PEX14: variants seen among roughly 807,000 people sequenced by gnomAD.
The protein encoded by PEX14 is peroxisomal biogenesis factor 14.
PEX14 carries 15 observed loss-of-function variants against 49.5 expected under a neutral mutation model. That is an observed-to-expected ratio of 0.30 (90% CI 0.20 to 0.47). PEX14 has a LOEUF of 0.47. PEX14 is among the 20% of genes least tolerant of loss of function. The probability of loss-of-function intolerance (pLI) is 1.00; values close to 1 mark genes in which losing one functional copy is unlikely to be tolerated. For synonymous variants in PEX14, 210 were observed against 212.7 expected, an observed-to-expected ratio of 0.99 and a Z score of 0.11; for missense variants, 398 against 494.8, an observed-to-expected ratio of 0.80 and a Z score of 1.86.
intron 3 of PEX14, among the ~76,000 whole-genome samples, chr1:10,551,689 A>C (rs767549937): frequency 2.6e-5 from 4 of 152,240 alleles, no homozygotes; most frequent in Admixed American, 6.5e-5. Context: ...TGAATGATGC[A>C]TTGTAGAAGT....
chr1:10,599,406 G>C (rs887682080), intron 4 of PEX14, 40 bp downstream of exon 4: 1 of 1,611,980 alleles, frequency 6.2e-7, no homozygotes, highest in Non-Finnish European at 8.5e-7. Flanking sequence ...CCTTGATTGG[G>C]ATTCAGGACT....
Position 10,564,430 on chromosome 1 carries a change from A to ATT in PEX14, c.169+28147_169+28148dup, listed in dbSNP as rs773997796. ...TTTACAATTACCTTGTTTGCATTTG[A>ATT]TTTTTTTTTTTTTTTGAGACAAAGA... On this transcript the variant is annotated intron_variant, in intron 3 of 8. Coordinates refer to ENST00000356607, the MANE Select transcript of PEX14 (RefSeq NM_004565.3). Among the ~76,000 whole-genome samples the ATT allele has an allele frequency of 3.8e-3, 525 of 138,098 alleles. 1 individual carries two copies. Among genetic ancestry groups the ATT allele is most frequent in the African/African-American group, 4.5e-3 (169 of 37,926 alleles). 90.6% of individuals were successfully genotyped at this position (138,098 alleles called of 152,430 possible).
At chr1:10,522,257 C>G (rs1638321545) in intron 2 of PEX14, among the ~76,000 whole-genome samples, 1 of 152,166 alleles carries the variant, frequency 6.6e-6, no homozygotes, top group South Asian at 2.1e-4. Context: ...AAAAGATAGC[C>G]AGTGACAGCA....
chr1:10,552,884 T>C (rs1197324147), intron 3 of PEX14, among the ~76,000 whole-genome samples: 1 of 152,160 alleles, frequency 6.6e-6, no homozygotes, highest in Non-Finnish European at 1.5e-5. Context: ...TAGTTGTTTT[T>C]AAGGTCTGAA....
intron 2 of PEX14, among the ~76,000 whole-genome samples, chr1:10,517,922 A>T (rs1641999856): frequency 6.6e-6 from 1 of 152,124 alleles, no homozygotes; most frequent in Non-Finnish European, 1.5e-5. Flanking sequence ...AGTCTAGGGA[A>T]GTAAGTCCCA....
At chr1:10,578,317 T>C (rs561576029) in intron 3 of PEX14, among the ~76,000 whole-genome samples, 188 of 152,276 alleles carry the variant, frequency 1.2e-3, no homozygotes, top group Non-Finnish European at 2.2e-3. Context: ...CCTTGGACTT[T>C]GCTTTGAAAT....
chr1:10,523,838 A>G (rs1246139831), intron 2 of PEX14, among the ~76,000 whole-genome samples: 2 of 151,918 alleles, frequency 1.3e-5, no homozygotes, highest in East Asian at 3.9e-4. Flanking sequence ...AAAAAAAAAA[A>G]AAAAAAAAAT....
At chr1:10,573,842 T>C (rs1167581111) in intron 3 of PEX14, among the ~76,000 whole-genome samples, 3 of 152,254 alleles carry the variant, frequency 2.0e-5, no homozygotes, top group Admixed American at 2.0e-4. Context: ...AGCTCACGCC[T>C]GTAATCCCAG....
intron 4 of PEX14, among the ~76,000 whole-genome samples, chr1:10,607,717 A>G (rs1175328890): frequency 1.3e-5 from 2 of 152,110 alleles, no homozygotes; most frequent in Non-Finnish European, 2.9e-5. Flanking sequence ...TATTTTGCCC[A>G]TTATTAACAG....
intron 4 of PEX14, among the ~76,000 whole-genome samples, chr1:10,605,212 C>T (rs1440264836): frequency 6.6e-6 from 1 of 152,108 alleles, no homozygotes; most frequent in Non-Finnish European, 1.5e-5. Flanking sequence ...AATGGAAGGG[C>T]TATCATGTGG....
chr1:10,576,759 C>CTT (rs374589674), intron 3 of PEX14, among the ~76,000 whole-genome samples: 5,086 of 139,554 alleles, frequency 0.036, 132 homozygotes, highest in Middle Eastern at 0.071. Context: ...AATTGCTGTA[C>CTT]TTTTTTTTTT....
At chr1:10,509,638 G>A (rs919355135) in intron 2 of PEX14, among the ~76,000 whole-genome samples, 2 of 152,126 alleles carry the variant, frequency 1.3e-5, no homozygotes, top group South Asian at 2.1e-4. Flanking sequence ...GACTGGCAGA[G>A]CTAATGCCGG....
At chr1:10,544,784 C>A (rs571975433) in intron 3 of PEX14, among the ~76,000 whole-genome samples, 3 of 151,186 alleles carry the variant, frequency 2.0e-5, no homozygotes, top group Non-Finnish European at 2.9e-5. Context: ...TTTTCTGAGA[C>A]AGGATCTTAC....
At position 10,628,590 on chromosome 1, in the gene PEX14, C is replaced by G. The variant is rs3790636; in HGVS notation, c.678-941C>G. On this transcript the variant is annotated intron_variant, in intron 8 of 8. Coordinates refer to ENST00000356607, the MANE Select transcript of PEX14 (RefSeq NM_004565.3). The surrounding 1 kb of genome is among the most constrained non-coding windows in gnomAD (Gnocchi z 4.5). ...GGAGACAGCCTCCATTTTCCCTAAC[C>G]GAGACCAGTGCCTTGGAGGCTGGGG... Among the ~76,000 whole-genome samples the G allele has an allele frequency of 2.0e-5, 3 of 152,380 alleles. No individual in the cohort carries two copies. Among genetic ancestry groups the G allele is most frequent in the East Asian group, 1.9e-4 (1 of 5,178 alleles).
intron 3 of PEX14, among the ~76,000 whole-genome samples, chr1:10,557,950 AC>A (rs1639542632): frequency 6.6e-6 from 1 of 151,992 alleles, no homozygotes; most frequent in Admixed American, 6.6e-5. Flanking sequence ...TAGTCTCAGC[AC>A]CATTTATAGA....
chr1:10,525,645 A>G (rs1638450423), intron 2 of PEX14, among the ~76,000 whole-genome samples: 2 of 152,184 alleles, frequency 1.3e-5, no homozygotes, highest in Non-Finnish European at 2.9e-5. Context: ...TTTTTCTTCA[A>G]AATGGAGTGT....
At chr1:10,526,328 C>T (rs992327762) in intron 2 of PEX14, among the ~76,000 whole-genome samples, 1 of 151,272 alleles carries the variant, frequency 6.6e-6, no homozygotes, top group African/African-American at 2.4e-5. Context: ...AAGTGATTCT[C>T]CTGCCTTAGC....
At chr1:10,500,398 A>AAAAAG (rs1557813387) in intron 2 of PEX14, among the ~76,000 whole-genome samples, 10 of 148,692 alleles carry the variant, frequency 6.7e-5, no homozygotes, top group African/African-American at 1.5e-4. Context: ...AAAAAAAAAA[A>AAAAAG]AAAAGAAAAG....
At chr1:10,604,344 T>C (rs990158263) in intron 4 of PEX14, among the ~76,000 whole-genome samples, 1 of 152,168 alleles carries the variant, frequency 6.6e-6, no homozygotes, top group Non-Finnish European at 1.5e-5. Flanking sequence ...CTCCAGGTTG[T>C]TGGACGTGGC....
Sources: gnomAD v4.1 joint callset for allele counts (sites outside exome capture counted in the v4.1 genomes callset) on GRCh38, gnomAD v4.1.1 for gene constraint, Gnocchi (gnomAD v3.1) non-coding constraint, MANE v1.5 for transcripts, NCBI Gene and HGNC (gene_info 2026-07-23, HGNC 2026-07-21) for gene names.